Variants in DMD observed in about 807,000 individuals in gnomAD.
DMD encodes the protein dystrophin.
In DMD, 63 loss-of-function variants were observed where a neutral mutation model predicts 330.1. The observed-to-expected ratio is 0.19, with a 90% CI of 0.16 to 0.24. The LOEUF is 0.24. DMD is among the 10% of genes least tolerant of loss of function. DMD has a pLI of 1.00. For missense variants in DMD, 3,344 were observed against 2,684.1 expected (o/e 1.25, Z -5.43); for synonymous variants, 1,223 against 959.8 (o/e 1.27, Z -5.07).
intron 1 of DMD, among the ~76,000 whole-genome samples, chrX:33,202,099 G>A (rs1257101229): frequency 8.9e-6 from 1 of 111,988 alleles, no homozygotes; most frequent in Non-Finnish European, 1.9e-5. Flanking sequence ...ATATGCCAAT[G>A]TCTATAGGCT....
At chrX:32,846,049 TG>T (rs1236736135) in intron 3 of DMD, among the ~76,000 whole-genome samples, 1 of 111,901 alleles carries the variant, frequency 8.9e-6, no homozygotes, top group African/African-American at 3.3e-5. Flanking sequence ...ATATGGTTTC[TG>T]GCAGAATTCA....
chrX:32,778,652 T>C (rs1490718140), intron 7 of DMD, among the ~76,000 whole-genome samples: 2 of 111,855 alleles, frequency 1.8e-5, no homozygotes, highest in African/African-American at 6.5e-5. Context: ...CTAGCTTTTA[T>C]AGACCTCCAA....
chrX:32,077,324 T>C, intron 44 of DMD, among the ~76,000 whole-genome samples: 1 of 111,226 alleles, frequency 9.0e-6, no homozygotes, highest in Middle Eastern at 4.7e-3. Flanking sequence ...TAAGAAGTTA[T>C]AAAAATTAGG....
At chrX:32,783,302 G>T (rs774025453) in intron 7 of DMD, among the ~76,000 whole-genome samples, 19 of 93,593 alleles carry the variant, frequency 2.0e-4, no homozygotes, top group African/African-American at 7.6e-4. Context: ...ACACATATAT[G>T]TACACATATA....
intron 60 of DMD, among the ~76,000 whole-genome samples, chrX:31,423,584 A>G (rs1041625848): frequency 8.9e-6 from 1 of 111,984 alleles, no homozygotes; most frequent in African/African-American, 3.2e-5. Context: ...GTAACATGAG[A>G]TGGATATGCA....
Position 33,156,235 on chromosome X carries a change from T to C in DMD, c.31+55047A>G, listed in dbSNP as rs763604288. 3.6e-5 allele frequency among the ~76,000 whole-genome samples: 4 copies of C among 112,293 alleles called. No homozygotes were observed. The South Asian group carries it at 1.5e-3, about 42-fold the overall frequency. On this transcript the variant is annotated intron_variant, in intron 1 of 78. Coordinates refer to ENST00000357033, the MANE Select transcript of DMD (RefSeq NM_004006.3). ...AAATGAAAAATAATCCTTTTTCATC[T>C]CTGAGAATACTCCAAAACTTGTCCA...
intron 11 of DMD, among the ~76,000 whole-genome samples, chrX:32,632,553 C>T (rs2058805509): frequency 8.9e-6 from 1 of 112,621 alleles, no homozygotes. Flanking sequence ...CAGGCTTCTG[C>T]CTGGAAACCC....
intron 47 of DMD, among the ~76,000 whole-genome samples, chrX:31,893,687 AAG>A (rs1332231105): frequency 3.6e-5 from 4 of 110,276 alleles, no homozygotes; most frequent in African/African-American, 1.3e-4. Context: ...AAGGGAAGGA[AAG>A]AGAGAGAGGC....
intron 1 of DMD, among the ~76,000 whole-genome samples, chrX:33,281,958 C>T (rs1412016679): frequency 9.2e-6 from 1 of 108,917 alleles, no homozygotes; most frequent in Non-Finnish European, 1.9e-5. Flanking sequence ...AAAAGTGTTT[C>T]CTAGATAGGA....
chrX:31,219,955 C>T (rs1428576796), intron 64 of DMD, among the ~76,000 whole-genome samples: 1 of 111,073 alleles, frequency 9.0e-6, no homozygotes, highest in African/African-American at 3.3e-5. Flanking sequence ...TATATTTTTA[C>T]TGTATCTTTC....
intron 51 of DMD, among the ~76,000 whole-genome samples, chrX:31,773,118 C>G (rs764813953): frequency 8.9e-6 from 1 of 112,292 alleles, no homozygotes; most frequent in Non-Finnish European, 1.9e-5. Flanking sequence ...AAAGGTAGTA[C>G]TTTAATACCT....
intron 1 of DMD, among the ~76,000 whole-genome samples, chrX:33,203,221 T>A (rs770337050): frequency 8.9e-6 from 1 of 112,115 alleles, no homozygotes; most frequent in South Asian, 3.7e-4. Flanking sequence ...TACCTTGTCA[T>A]AACTATGCAA....
At chrX:32,536,455 C>A (rs2047994845) in intron 17 of DMD, among the ~76,000 whole-genome samples, 1 of 110,807 alleles carries the variant, frequency 9.0e-6, no homozygotes, top group African/African-American at 3.3e-5. Context: ...TAAGAAAGCA[C>A]AGAGCATTTG....
chrX:32,674,432 G>A (rs1290343854), intron 9 of DMD, among the ~76,000 whole-genome samples: 1 of 111,771 alleles, frequency 8.9e-6, no homozygotes, highest in East Asian at 2.8e-4. Flanking sequence ...GTATAGCAAT[G>A]TTGGATATTC....
chrX:32,264,035 G>A (rs1325843600), intron 43 of DMD, among the ~76,000 whole-genome samples: 1 of 111,445 alleles, frequency 9.0e-6, no homozygotes, highest in Middle Eastern at 4.2e-3. Context: ...ATAGGGTTTG[G>A]CTGTGTCCCC....
At chrX:32,539,882 C>T (rs980000090) in intron 17 of DMD, among the ~76,000 whole-genome samples, 2 of 111,636 alleles carry the variant, frequency 1.8e-5, no homozygotes, top group African/African-American at 3.3e-5. Context: ...AGAAAGCAAG[C>T]TTACATTCTG....
intron 74 of DMD, among the ~76,000 whole-genome samples, chrX:31,155,047 CA>C (rs2037942295): frequency 1.8e-5 from 2 of 112,100 alleles, no homozygotes; most frequent in African/African-American, 6.5e-5. Context: ...AATTTACACT[CA>C]AAAAAACTTC....
intron 44 of DMD, among the ~76,000 whole-genome samples, chrX:32,143,786 G>C (rs772676997): frequency 9.3e-6 from 1 of 107,808 alleles, no homozygotes; most frequent in East Asian, 2.9e-4. Flanking sequence ...TCCTGACCTC[G>C]TGATCCGCCC....
chrX:31,194,258 A>G (rs2042669333), intron 67 of DMD, among the ~76,000 whole-genome samples: 1 of 112,147 alleles, frequency 8.9e-6, no homozygotes, highest in African/African-American at 3.2e-5. Context: ...GTACAGAGAC[A>G]TGACAGACAA....
Sources: gnomAD v4.1 joint callset for allele counts (sites outside exome capture counted in the v4.1 genomes callset) on GRCh38, gnomAD v4.1.1 for gene constraint, MANE v1.5 for transcripts, NCBI Gene and HGNC (gene_info 2026-07-23, HGNC 2026-07-21) for gene names.